FGF14: variants seen among roughly 807,000 people sequenced by gnomAD.
The protein encoded by FGF14 is fibroblast growth factor homologous factor 4.
Under a neutral mutation model 25.5 loss-of-function variants are expected in FGF14, and 5 were observed. The observed-to-expected ratio is 0.20, with a 90% CI of 0.10 to 0.41. FGF14 has a LOEUF of 0.41. FGF14 is among the 10% of genes least tolerant of loss of function. The pLI is 1.00. For missense variants in FGF14, 222 were observed against 320.1 expected, an observed-to-expected ratio of 0.69 and a Z score of 2.34; for synonymous variants, 138 against 118.3, an observed-to-expected ratio of 1.17 and a Z score of -1.08.
At chr13:101,749,476 G>C (rs1316275408) in intron 3 of FGF14, among the ~76,000 whole-genome samples, 1 of 151,832 alleles carries the variant, frequency 6.6e-6, no homozygotes, top group Admixed American at 6.6e-5. Flanking sequence ...CAAAAATACA[G>C]AAATAGAGAA....
chr13:102,282,043 C>T (rs550618243), intron 1 of FGF14, among the ~76,000 whole-genome samples: 37 of 149,786 alleles, frequency 2.5e-4, no homozygotes, highest in Admixed American at 4.0e-4. Flanking sequence ...CTGACCTTGC[C>T]GCTTCTCCTA....
chr13:102,251,493 T>C (rs2052171421), intron 1 of FGF14, among the ~76,000 whole-genome samples: 1 of 152,172 alleles, frequency 6.6e-6, no homozygotes, highest in Non-Finnish European at 1.5e-5. Context: ...CAGGATCTCA[T>C]GATGAAACAG....
chr13:102,193,259 C>T (rs1286180463), intron 1 of FGF14, among the ~76,000 whole-genome samples: 2 of 152,102 alleles, frequency 1.3e-5, no homozygotes, highest in African/African-American at 4.8e-5. Context: ...TCTGCCATGG[C>T]CTTTCTTTGG....
intron 1 of FGF14, among the ~76,000 whole-genome samples, chr13:102,322,698 T>C (rs907685379): frequency 3.3e-5 from 5 of 152,206 alleles, no homozygotes; most frequent in African/African-American, 1.2e-4. Context: ...CAGGGCTGCA[T>C]GGAACTTCTA....
intron 1 of FGF14, among the ~76,000 whole-genome samples, chr13:102,126,712 C>T (rs1262140884): frequency 6.6e-6 from 1 of 152,134 alleles, no homozygotes; most frequent in African/African-American, 2.4e-5. Context: ...CAACAGTAAT[C>T]TTTTAATAAA....
At chr13:102,109,584 G>T (rs1279424630) in intron 1 of FGF14, among the ~76,000 whole-genome samples, 1 of 151,898 alleles carries the variant, frequency 6.6e-6, no homozygotes, top group East Asian at 1.9e-4. Flanking sequence ...GTAATTTTTA[G>T]CAGGAACTTT....
At chr13:102,093,603 T>A (rs1262393457) in intron 1 of FGF14, among the ~76,000 whole-genome samples, 1 of 152,098 alleles carries the variant, frequency 6.6e-6, no homozygotes, top group African/African-American at 2.4e-5. Flanking sequence ...TGTATTTTTT[T>A]AAACATGTTT....
intron 3 of FGF14, among the ~76,000 whole-genome samples, chr13:101,809,287 G>A (rs181087414): frequency 3.7e-4 from 56 of 152,098 alleles, no homozygotes; most frequent in Admixed American, 1.6e-3. Context: ...TTTGTTTTCA[G>A]AACACATGAT....
intron 1 of FGF14, among the ~76,000 whole-genome samples, chr13:102,237,585 GAAAAA>G (rs3066871): frequency 7.4e-6 from 1 of 135,600 alleles, no homozygotes; most frequent in African/African-American, 2.7e-5. Context: ...TTACACTTCA[GAAAAA>G]AAAAAAAAAA....
intron 3 of FGF14, among the ~76,000 whole-genome samples, chr13:101,752,985 T>G (rs927128849): frequency 1.3e-5 from 2 of 152,136 alleles, no homozygotes; most frequent in Admixed American, 6.6e-5. Flanking sequence ...ATGACAGATA[T>G]AAAAAGTGAA....
intron 1 of FGF14, among the ~76,000 whole-genome samples, chr13:101,895,775 T>C (rs1347566128): frequency 2.6e-5 from 4 of 152,220 alleles, no homozygotes; most frequent in African/African-American, 9.6e-5. Context: ...GTGAGAGTTA[T>C]ATGGAGTGCC....
rs1395866325 is a variant in FGF14, at chr13:101,712,149, C to G, written c.*10682G>C. On this transcript the variant is annotated 3_prime_UTR_variant, in exon 5 of 5. Coordinates refer to ENST00000376143, the MANE Select transcript of FGF14 (RefSeq NM_004115.4). ...ACACTGTGTTATTACTATGTGCTAT[C>G]TAGTTCTAGTTTCACAAGCAGTAGA... is the stretch of plus-strand genomic sequence containing the variant. 6.6e-6 allele frequency: 1 copy of G among 152,184 alleles called. No individual in the cohort carries two copies. The highest frequency in any genetic ancestry group is 1.5e-5 in the Non-Finnish European group (1 of 68,044). The allele number at this position is 152,184 out of a possible 1,614,324, so 9.4% of individuals were successfully genotyped here. A position where few individuals can be genotyped will look rare whatever the true frequency, so the allele number is the denominator to read the frequency against.
intron 1 of FGF14, among the ~76,000 whole-genome samples, chr13:101,911,222 C>T (rs1467297538): frequency 1.3e-5 from 2 of 151,964 alleles, no homozygotes; most frequent in African/African-American, 4.8e-5. Flanking sequence ...ACAAAAATCA[C>T]AAGTTTGGGG....
intron 1 of FGF14, among the ~76,000 whole-genome samples, chr13:102,236,925 G>A (rs2051354451): frequency 1.3e-5 from 2 of 152,130 alleles, no homozygotes; most frequent in Admixed American, 1.3e-4. Flanking sequence ...CTCCCAGCAG[G>A]AGGGGACTGG....
At chr13:102,303,909 G>T (rs1677522031) in intron 1 of FGF14, among the ~76,000 whole-genome samples, 1 of 152,102 alleles carries the variant, frequency 6.6e-6, no homozygotes, top group Admixed American at 6.6e-5. Flanking sequence ...TGTGTAGCTT[G>T]CTAAGCAACA....
chr13:102,064,343 C>T (rs993990773), intron 1 of FGF14, among the ~76,000 whole-genome samples: 5 of 152,140 alleles, frequency 3.3e-5, no homozygotes, highest in Admixed American at 6.5e-5. Context: ...TAAAGACAGA[C>T]ATAATAGCCT....
chr13:101,983,615 G>A (rs752731520), intron 1 of FGF14, among the ~76,000 whole-genome samples: 8 of 152,238 alleles, frequency 5.3e-5, no homozygotes, highest in African/African-American at 7.2e-5. Context: ...TGCAATTCAC[G>A]TTGTTTTCCT....
rs2034673997 is a variant in FGF14, at chr13:101,715,431, C to A, written c.*7400G>T. The A allele has an allele frequency of 8.4e-6, 6 of 718,412 alleles. No homozygotes were observed. The highest frequency in any genetic ancestry group is 2.5e-5 in the East Asian group (1 of 39,366). 44.5% of individuals were successfully genotyped at this position (718,412 alleles called of 1,614,324 possible). A position where few individuals can be genotyped will look rare whatever the true frequency, so the allele number is the denominator to read the frequency against. ...GCTTAATAAGATGTAATAATAACAT[C>A]ATTGCACAATAAGAAAATCTACCAA... On this transcript the variant is annotated 3_prime_UTR_variant, in exon 5 of 5. Coordinates refer to ENST00000376143, the MANE Select transcript of FGF14 (RefSeq NM_004115.4).
chr13:102,081,232 T>C (rs2043602573), intron 1 of FGF14, among the ~76,000 whole-genome samples: 2 of 152,226 alleles, frequency 1.3e-5, no homozygotes. Flanking sequence ...AGCATAATCC[T>C]TAAACCAAGT....
Sources: allele counts gnomAD v4.1 joint callset (sites outside exome capture counted in the v4.1 genomes callset), GRCh38; gene constraint gnomAD v4.1.1; transcripts MANE v1.5; gene names NCBI Gene and HGNC (gene_info 2026-07-23, HGNC 2026-07-21).